Variants in KIF20A observed in about 807,000 individuals in gnomAD.
KIF20A encodes kinesin-like protein KIF20A.
A neutral mutation model predicts 113.0 loss-of-function variants in KIF20A; 66 were observed. The ratio of observed to expected loss-of-function variants is 0.58; its 90% CI spans 0.48 to 0.72. KIF20A has a LOEUF of 0.72. Ranked by LOEUF, KIF20A falls within the 30% of genes least tolerant of loss-of-function variation. The probability of loss-of-function intolerance (pLI) is 0.00; values close to 1 mark genes in which losing one functional copy is unlikely to be tolerated. For synonymous variants in KIF20A, 376 were observed against 402.3 expected, an observed-to-expected ratio of 0.93 and a Z score of 0.78; for missense variants, 927 against 1,077.6, an observed-to-expected ratio of 0.86 and a Z score of 1.96.
intron 2 of KIF20A, 109 bp downstream of exon 2, chr5:138,179,954 C>A (rs1561627801): frequency 2.3e-5 from 25 of 1,108,666 alleles, no homozygotes; most frequent in South Asian, 1.3e-4. Flanking sequence ...GGTCTGAGAT[C>A]AATTCAAAAT....
chr5:138,186,482 A>G, intron 18 of KIF20A, 51 bp downstream of exon 18: 1 of 1,557,520 alleles, frequency 6.4e-7, no homozygotes, highest in Non-Finnish European at 8.6e-7. Context: ...ACTCCAGTGT[A>G]TATGTGAGAA....
rs1754730556 is a variant in KIF20A at position 138,185,563 on chromosome 5, CAACA to C, written c.1979_1982del (p.Gln660ArgfsTer43). On this transcript the variant is annotated frameshift_variant, in exon 16 of 19. Coordinates refer to ENST00000394894, the MANE Select transcript of KIF20A (RefSeq NM_005733.3). LOFTEE classifies it high-confidence loss of function. ...AGAAGCTCTCTTGCAGGAAGCCAGA[CAACA>C]GTCAGTGGCCCATCAGCAATCAGGG... 6.2e-7 allele frequency: 1 copy of C among 1,613,970 alleles called. No individual in the cohort carries two copies. Among genetic ancestry groups the C allele is most frequent in the Non-Finnish European group, 8.5e-7 (1 of 1,180,038 alleles).
intron 17 of KIF20A, 85 bp from the exon 18 acceptor site, chr5:138,186,209 T>G: frequency 1.3e-6 from 2 of 1,539,848 alleles, no homozygotes; most frequent in East Asian, 4.5e-5. Flanking sequence ...TAATTTTACT[T>G]CTCTTCAAAT....
intron 2 of KIF20A, 124 bp from the exon 3 acceptor site, chr5:138,181,298 C>G: frequency 1.3e-6 from 1 of 760,318 alleles, no homozygotes; most frequent in Non-Finnish European, 2.3e-6. Flanking sequence ...AGAGTAGCTG[C>G]ACAGAGACAT....
rs1427426609 is a variant in KIF20A at position 138,183,025 on chromosome 5, T to C, written c.832+35T>C. 1 of 1,613,206 alleles carries C rather than the reference T, an allele frequency of 6.2e-7. No individual in the cohort carries two copies. The highest frequency in any genetic ancestry group is 8.5e-7 in the Non-Finnish European group (1 of 1,179,702). On this transcript the variant is annotated intron_variant, in intron 7 of 18. Coordinates refer to ENST00000394894, the MANE Select transcript of KIF20A (RefSeq NM_005733.3). The surrounding 1 kb of genome is among the most constrained non-coding windows in gnomAD (Gnocchi z 5.2). ...GTGACTGGGCTCTGCCAAAAAATAG[T>C]AGGAACTCACTCCCTGTTCCTAATA...
At chr5:138,186,708 TTATTTTATGTAC>T (rs1754751245) in intron 18 of KIF20A, among the ~76,000 whole-genome samples, 1 of 152,214 alleles carries the variant, frequency 6.6e-6, no homozygotes, top group Non-Finnish European at 1.5e-5. Context: ...TAAGAAACCA[TTATTTTATGTAC>T]TACTAAGAAA....
intron 17 of KIF20A, 120 bp from the exon 18 acceptor site, chr5:138,186,174 A>G: frequency 1.3e-6 from 2 of 1,484,790 alleles, no homozygotes; most frequent in South Asian, 1.2e-5. Context: ...GAGAGTGGCT[A>G]TTTCACTCAG....
Position 138,183,624 on chromosome 5 carries a change from A to C in KIF20A, c.1139+43A>C, listed in dbSNP as rs974243643. On this transcript the variant is annotated intron_variant, in intron 9 of 18. Coordinates refer to ENST00000394894, the MANE Select transcript of KIF20A (RefSeq NM_005733.3). The surrounding 1 kb of genome is among the most constrained non-coding windows in gnomAD (Gnocchi z 5.2). ...ATAAACTCTTCACTGTGTTCCAGGA[A>C]ACATTAGTCCTCTGCCTGGTCATGG... 6.2e-7 allele frequency: 1 copy of C among 1,609,104 alleles called. No individual in the cohort carries two copies. Among genetic ancestry groups the C allele is most frequent in the African/African-American group, 1.3e-5 (1 of 74,952 alleles).
At position 138,185,973 on chromosome 5, in the gene KIF20A, A is replaced by T. The variant is rs1458338343; in HGVS notation, c.2138A>T (p.Tyr713Phe). 1.9e-6 allele frequency: 3 copies of T among 1,613,938 alleles called. No individual in the cohort carries two copies. The highest frequency in any genetic ancestry group is 2.5e-6 in the Non-Finnish European group (3 of 1,179,954). ...LNSTTEELHK[Y>F]QKMLEPPPSA... is the part of the protein sequence containing the mutation. ...TTCCTTCCCTCAGAGTTGCATAAGT[A>T]TCAGAAAATGTTAGAACCACCACCC... The change falls in exon 17 of 19, where the codon TAT becomes TTT. Residue 713 changes from tyrosine to phenylalanine, a missense_variant. By Grantham distance (22) the Tyr-to-Phe change is conservative. Transcript: ENST00000394894.
rs1383551454 is a variant in KIF20A at position 138,185,141 on chromosome 5, G to GAA, written c.1874_1875dup (p.Leu626AsnfsTer2). Reference sequence around the variant, plus strand: ...GGAACTATTGGAGGAAATGTATGAAGAAAAACTAAATATCCTCAAGGAGTC... The same window carrying GAA: ...GGAACTATTGGAGGAAATGTATGAAGAAAAAAACTAAATATCCTCAAGGAGTC... On this transcript the variant is annotated frameshift_variant, in exon 15 of 19. Coordinates refer to ENST00000394894, the MANE Select transcript of KIF20A (RefSeq NM_005733.3). LOFTEE classifies it high-confidence loss of function. The GAA allele has an allele frequency of 6.2e-7, 1 of 1,614,000 alleles. No individual in the cohort carries two copies. Among genetic ancestry groups the GAA allele is most frequent in the Non-Finnish European group, 8.5e-7 (1 of 1,179,918 alleles).
In KIF20A at chr5:138,187,226, G is replaced by A. The variant is rs1429845367; in HGVS notation, c.2486G>A (p.Arg829His). 7 of 1,614,060 alleles carry A rather than the reference G, an allele frequency of 4.3e-6. No individual in the cohort carries two copies. The highest frequency in any genetic ancestry group is 2.7e-5 in the African/African-American group (2 of 74,928). ...CAAGGCCAGGTTTCTGCCAAAAAGC[G>A]CCTTGGTACCAACCAGGAAAATCAG... Reference protein sequence around the residue: ...KLQGQVSAKKRLGTNQENQQP... With the variant: ...KLQGQVSAKKHLGTNQENQQP... The change falls in exon 19 of 19, where the codon CGC becomes CAC. Residue 829 changes from arginine to histidine, a missense_variant. Physicochemically the swap from Arg to His is conservative, Grantham distance 29. Coordinates refer to ENST00000394894, the MANE Select transcript of KIF20A (RefSeq NM_005733.3).
Position 138,184,421 on chromosome 5 carries a change from G to A in KIF20A, c.1518+17G>A, listed in dbSNP as rs371385483. The stretch of plus-strand genomic sequence containing the variant: ...GCTAGCCAGGTGAGAAGCTAGAGGT[G>A]TGATGGGTGTGCGCACTTGGAACTG... On this transcript the variant is annotated intron_variant, in intron 12 of 18. Transcript: ENST00000394894. The A allele has an allele frequency of 6.2e-6, 10 of 1,613,986 alleles. No homozygotes were observed. The highest frequency in any genetic ancestry group is 7.6e-6 in the Non-Finnish European group (9 of 1,179,952).
chr5:138,184,873 C>CT lies in KIF20A; in HGVS notation c.1751dup (p.Glu585GlyfsTer7), dbSNP rs1242839090. 6.2e-7 allele frequency: 1 copy of CT among 1,614,144 alleles called. No homozygotes were observed. Among genetic ancestry groups the CT allele is most frequent in the Non-Finnish European group, 8.5e-7 (1 of 1,179,978 alleles). On this transcript the variant is annotated frameshift_variant, in exon 14 of 19. Coordinates refer to ENST00000394894, the MANE Select transcript of KIF20A (RefSeq NM_005733.3). LOFTEE classifies it high-confidence loss of function. Reference sequence around the variant, plus strand: ...GAAGGAACGACAGGAAAAGCTACAGCTGGAGATGCATCTCCGAGATGAAAT... The same window carrying CT: ...GAAGGAACGACAGGAAAAGCTACAGCTTGGAGATGCATCTCCGAGATGAAAT...
chr5:138,183,829 C>T lies in KIF20A; in HGVS notation c.1208+73C>T, dbSNP rs2151233206. The T allele has an allele frequency of 1.3e-6, 2 of 1,562,680 alleles. No homozygotes were observed. Among genetic ancestry groups the T allele is most frequent in the Non-Finnish European group, 8.8e-7 (1 of 1,135,966 alleles). On this transcript the variant is annotated intron_variant, in intron 10 of 18. Transcript: ENST00000394894. The surrounding 1 kb of genome is among the most constrained non-coding windows in gnomAD (Gnocchi z 5.2). ...GTTGGGAAAGCATGGAGGAGGTCCT[C>T]AGGGGAACTATGTGTTCTCCTTCTT...
In KIF20A at chr5:138,183,412, G is replaced by A. The variant is rs116260624; in HGVS notation, c.1027+49G>A. The A allele has an allele frequency of 2.1e-3, 3,322 of 1,612,474 alleles. 73 individuals are homozygous for A. In the African/African-American group the frequency reaches 0.037, roughly 18 times the overall value. ...GCATGAACCCTGGAGGGCAACTGGG[G>A]AGAGACTGGCAAAAGAGTTGGATGT... is the stretch of plus-strand genomic sequence containing the variant. On this transcript the variant is annotated intron_variant, in intron 8 of 18. Transcript: ENST00000394894. This position sits in a 1 kb window ranked among gnomAD's most constrained non-coding sequence, Gnocchi z 5.2.
At chr5:138,185,283 C>A in intron 15 of KIF20A, 86 bp downstream of exon 15, 1 of 929,770 alleles carries the variant, frequency 1.1e-6, no homozygotes, top group Non-Finnish European at 1.7e-6. Context: ...TAAACTACTC[C>A]AGTAAGGGCA....
intron 13 of KIF20A, 42 bp from the exon 14 acceptor site, chr5:138,184,765 G>T (rs1257613632): frequency 2.5e-6 from 4 of 1,612,360 alleles, no homozygotes; most frequent in Non-Finnish European, 2.5e-6. Context: ...CCTTCTGAGG[G>T]CATGAGCATC....
In KIF20A at chr5:138,187,481, T is replaced by A; in HGVS notation, c.*68T>A. On this transcript the variant is annotated 3_prime_UTR_variant, in exon 19 of 19. Coordinates refer to ENST00000394894, the MANE Select transcript of KIF20A (RefSeq NM_005733.3). The stretch of plus-strand genomic sequence containing the variant: ...TCAGCTACTCTCCTGAAGAAATAGG[T>A]CTCTTTTATGCTTTACCATATATCA... The A allele has an allele frequency of 7.8e-7, 1 of 1,277,394 alleles. No homozygotes were observed. 79.1% of individuals were successfully genotyped at this position (1,277,394 alleles called of 1,614,324 possible). A position where few individuals can be genotyped will look rare whatever the true frequency, so the allele number is the denominator to read the frequency against.
At chr5:138,185,435 CTTTG>C (rs1447031314) in intron 15 of KIF20A, 73 bp from the exon 16 acceptor site, 42 of 1,387,100 alleles carry the variant, frequency 3.0e-5, no homozygotes, top group East Asian at 6.9e-5. Flanking sequence ...GTCACAAGTG[CTTTG>C]TTTGTTCAGT....
Sources: gnomAD v4.1 joint callset for allele counts (sites outside exome capture counted in the v4.1 genomes callset) on GRCh38, gnomAD v4.1.1 for gene constraint, Gnocchi (gnomAD v3.1) non-coding constraint, MANE v1.5 for transcripts, NCBI Gene and HGNC (gene_info 2026-07-23, HGNC 2026-07-21) for gene names.